The following RBBP7 variants were observed in gnomAD, a reference collection of about 807,000 sequenced individuals.
RBBP7 encodes the protein RB binding protein 7, chromatin remodeling factor, also known as histone-binding protein RBBP7.
Under a neutral mutation model 35.2 loss-of-function variants are expected in RBBP7, and 5 were observed. That is an observed-to-expected ratio of 0.14 (90% CI 0.07 to 0.30). RBBP7 has a LOEUF of 0.30. Among genes scored for constraint, RBBP7 ranks in the 10% least tolerant of loss-of-function variants. The probability of loss-of-function intolerance (pLI) is 1.00; values close to 1 mark genes in which losing one functional copy is unlikely to be tolerated. For synonymous variants in RBBP7, 140 were observed against 118.7 expected (o/e 1.18, Z -1.17); for missense variants, 155 against 327.5 (o/e 0.47, Z 4.07).
intron 10 of RBBP7, chrX:16,848,672 T>C (rs1285659543): frequency 3.6e-5 from 4 of 111,793 alleles, no homozygotes; most frequent in East Asian, 2.8e-4. Flanking sequence ...CAGGGAACCA[T>C]TGCTAAATCC....
chrX:16,850,254 C>T (rs1374165205), intron 9 of RBBP7, among the ~76,000 whole-genome samples: 1 of 112,699 alleles, frequency 8.9e-6, no homozygotes, highest in Non-Finnish European at 1.9e-5. Flanking sequence ...CCAGGTTGGT[C>T]TCGAACTCCT....
chrX:16,859,032 T>G (rs956845406), intron 3 of RBBP7, among the ~76,000 whole-genome samples, 183 bp from the exon 4 acceptor site: 2 of 112,501 alleles, frequency 1.8e-5, no homozygotes, highest in Admixed American at 9.4e-5. Flanking sequence ...CAATTTATTC[T>G]TAAAGCCCAT....
intron 4 of RBBP7, 71 bp from the exon 5 acceptor site, chrX:16,857,780 T>C: frequency 3.5e-6 from 4 of 1,152,204 alleles, no homozygotes; most frequent in Non-Finnish European, 4.6e-6. Flanking sequence ...TCTCACTCCT[T>C]CATTGAGTGA....
intron 3 of RBBP7, among the ~76,000 whole-genome samples, chrX:16,859,672 A>T (rs1470088578): frequency 8.9e-6 from 1 of 112,203 alleles, no homozygotes; most frequent in Non-Finnish European, 1.9e-5. Flanking sequence ...TCACATTACA[A>T]TTGTGTTATT....
At chrX:16,856,242 A>G (rs1012950128) in intron 5 of RBBP7, among the ~76,000 whole-genome samples, 1 of 110,843 alleles carries the variant, frequency 9.0e-6, no homozygotes, top group Non-Finnish European at 1.9e-5. Flanking sequence ...AATTAAAACC[A>G]CAATGAGCTG....
At chrX:16,861,435 C>T (rs1930474655) in intron 3 of RBBP7, among the ~76,000 whole-genome samples, 1 of 111,492 alleles carries the variant, frequency 9.0e-6, no homozygotes, top group African/African-American at 3.3e-5. Context: ...ACTACAGCTT[C>T]GAACTCCTGG....
chrX:16,865,215 TC>T (rs1482098902), intron 2 of RBBP7, among the ~76,000 whole-genome samples: 1 of 109,383 alleles, frequency 9.1e-6, no homozygotes, highest in African/African-American at 3.3e-5. Flanking sequence ...CAAAATCCCA[TC>T]TCCACAAAAA....
At chrX:16,851,747 A>G (rs1463944950) in intron 9 of RBBP7, among the ~76,000 whole-genome samples, 2 of 112,770 alleles carry the variant, frequency 1.8e-5, no homozygotes, top group African/African-American at 3.2e-5. Flanking sequence ...TGATTTCTCT[A>G]TATCAAGTGT....
intron 1 of RBBP7, 43 bp from the exon 2 acceptor site, chrX:16,869,263 G>C (rs1212306829): frequency 2.5e-6 from 3 of 1,177,433 alleles, no homozygotes; most frequent in Non-Finnish European, 3.4e-6. Context: ...GGCTGAGATA[G>C]ATCAAAGTCA....
At chrX:16,856,566 C>CAAA (rs1318170529) in intron 5 of RBBP7, among the ~76,000 whole-genome samples, 12 of 109,233 alleles carry the variant, frequency 1.1e-4, no homozygotes, top group Non-Finnish European at 1.7e-4. Context: ...ACAACAACAA[C>CAAA]AAAAACCAAC....
At chrX:16,845,273 C>G (rs1281154534) in intron 11 of RBBP7, among the ~76,000 whole-genome samples, 170 bp from the exon 12 acceptor site, 1 of 112,259 alleles carries the variant, frequency 8.9e-6, no homozygotes, top group Non-Finnish European at 1.9e-5. Context: ...AATTCTTTGC[C>G]AGTGTGTAAT....
In RBBP7 at chrX:16,862,472, T is replaced by C. The variant is rs183064321; in HGVS notation, c.307+483A>G. On this transcript the variant is annotated intron_variant, in intron 3 of 11. Transcript: ENST00000380087. ...CAAAGTGGAATACTGTAATTACACA[T>C]AGCAGTTAGTCACTTAATTTATCTT... is the stretch of plus-strand genomic sequence containing the variant. Among the ~76,000 whole-genome samples, 236 of 111,602 alleles carry C rather than the reference T, an allele frequency of 2.1e-3. 2 individuals are homozygous for C. The highest frequency in any genetic ancestry group is 3.1e-3 in the Non-Finnish European group (166 of 53,098).
intron 10 of RBBP7, chrX:16,848,076 T>C (rs762685588): frequency 8.9e-6 from 1 of 112,353 alleles, no homozygotes; most frequent in South Asian, 3.7e-4. Flanking sequence ...GTCATATTTA[T>C]ATGAAATATC....
intron 2 of RBBP7, among the ~76,000 whole-genome samples, chrX:16,868,032 G>C (rs1930669843): frequency 8.9e-6 from 1 of 111,798 alleles, no homozygotes; most frequent in Non-Finnish European, 1.9e-5. Context: ...CCTCTTTTTA[G>C]GTTAGAGTTT....
chrX:16,866,523 C>CAA (rs55729039), intron 2 of RBBP7, among the ~76,000 whole-genome samples: 18 of 32,592 alleles, frequency 5.5e-4, no homozygotes, highest in African/African-American at 8.5e-4. Flanking sequence ...GAGACTGTCT[C>CAA]AAAAAAAAAA....
At chrX:16,866,523 C>CAAAAAAAAAAAAAAAAAAAAAAAA (rs55729039) in intron 2 of RBBP7, among the ~76,000 whole-genome samples, 3 of 32,592 alleles carry the variant, frequency 9.2e-5, no homozygotes, top group Non-Finnish European at 1.5e-4. Flanking sequence ...GAGACTGTCT[C>CAAAAAAAAAAAAAAAAAAAAAAAA]AAAAAAAAAA....
intron 1 of RBBP7, chrX:16,869,609 C>T (rs1178883823): frequency 1.3e-5 from 15 of 1,160,079 alleles, no homozygotes; most frequent in Non-Finnish European, 1.0e-5. Flanking sequence ...CAGGGGAGGC[C>T]CCAGCTCCCA....
intron 3 of RBBP7, among the ~76,000 whole-genome samples, chrX:16,860,718 G>A (rs2147523777): frequency 9.2e-6 from 1 of 108,215 alleles, no homozygotes; most frequent in East Asian, 2.9e-4. Context: ...TATATATACT[G>A]AATATTAACA....
Position 16,870,251 on chromosome X carries a change from GAGGTCTGAGGCGCTCTTCTCTC to G in RBBP7, c.-220_-199del. ...TGCCTCCTCCCCGCTCGCGGGTACC[GAGGTCTGAGGCGCTCTTCTCTC>G]TCTCTCCAAACTTGGAACGAGACTT... On this transcript the variant is annotated 5_prime_UTR_variant, in exon 1 of 12. It removes the in-frame stop codon of an upstream open reading frame in the 5' UTR. Coordinates refer to ENST00000380087, the MANE Select transcript of RBBP7 (RefSeq NM_002893.4). 2.1e-6 allele frequency: 1 copy of G among 469,681 alleles called. No individual in the cohort carries two copies. The highest frequency in any genetic ancestry group is 2.8e-6 in the Non-Finnish European group (1 of 360,142). 38.7% of individuals were successfully genotyped at this position (469,681 alleles called of 1,213,427 possible).
Sources: gnomAD v4.1 joint callset for allele counts (sites outside exome capture counted in the v4.1 genomes callset) on GRCh38, gnomAD v4.1.1 for gene constraint, MANE v1.5 for transcripts, NCBI Gene and HGNC (gene_info 2026-07-23, HGNC 2026-07-21) for gene names.